Variants in MYO5A observed in about 807,000 individuals in gnomAD.
The protein encoded by MYO5A is unconventional myosin-Va.
In MYO5A, 98 loss-of-function variants were observed where a neutral mutation model predicts 249.7. That is an observed-to-expected ratio of 0.39 (90% confidence interval 0.33 to 0.46). The LOEUF is 0.46. Among genes scored for constraint, MYO5A ranks in the 20% least tolerant of loss-of-function variants. The probability of loss-of-function intolerance (pLI) is 0.98; values close to 1 mark genes in which losing one functional copy is unlikely to be tolerated. For missense variants in MYO5A, 1,696 were observed against 2,308.8 expected, an observed-to-expected ratio of 0.73 and a Z score of 5.44; for synonymous variants, 778 against 810.6, an observed-to-expected ratio of 0.96 and a Z score of 0.68.
At chr15:52,450,684 A>T (rs1032373213) in intron 1 of MYO5A, among the ~76,000 whole-genome samples, 2 of 150,474 alleles carry the variant, frequency 1.3e-5, no homozygotes, top group Non-Finnish European at 1.5e-5. Context: ...AAAAAAAAAA[A>T]TTTAGAAACA....
intron 1 of MYO5A, among the ~76,000 whole-genome samples, chr15:52,509,404 G>T (rs941128925): frequency 1.2e-4 from 18 of 152,222 alleles, no homozygotes; most frequent in African/African-American, 4.3e-4. Flanking sequence ...GCTAATCTCT[G>T]TTTAATAATG....
At chr15:52,458,148 A>G (rs1250876036) in intron 1 of MYO5A, among the ~76,000 whole-genome samples, 1 of 152,244 alleles carries the variant, frequency 6.6e-6, no homozygotes, top group Non-Finnish European at 1.5e-5. Flanking sequence ...GTTAATGGGT[A>G]CAAACATACT....
At chr15:52,481,972 G>T (rs1261376953) in intron 1 of MYO5A, among the ~76,000 whole-genome samples, 1 of 152,154 alleles carries the variant, frequency 6.6e-6, no homozygotes, top group African/African-American at 2.4e-5. Flanking sequence ...TACATCAGTA[G>T]AATTATAAGA....
At chr15:52,370,505 A>G (rs936853565) in intron 21 of MYO5A, 88 bp from the exon 22 acceptor site, 8 of 1,375,104 alleles carry the variant, frequency 5.8e-6, no homozygotes, top group Middle Eastern at 2.5e-4. Context: ...CATCATATTC[A>G]TGCTATATCA....
At chr15:52,501,927 C>G (rs1001396960) in intron 1 of MYO5A, among the ~76,000 whole-genome samples, 9 of 151,440 alleles carry the variant, frequency 5.9e-5, no homozygotes, top group Non-Finnish European at 5.9e-5. Context: ...TTACTTTTCT[C>G]TATTTAACAA....
intron 4 of MYO5A, among the ~76,000 whole-genome samples, chr15:52,423,486 A>G (rs2141275314): frequency 6.6e-6 from 1 of 151,328 alleles, no homozygotes; most frequent in South Asian, 2.1e-4. Context: ...CGGGAGGCGG[A>G]GGTTGCAGTG....
intron 24 of MYO5A, 140 bp downstream of exon 24, chr15:52,364,414 T>A: frequency 2.8e-6 from 2 of 713,238 alleles, no homozygotes; most frequent in Non-Finnish European, 4.6e-6. Flanking sequence ...GGAGATGGAA[T>A]GGGAGGTGAA....
chr15:52,354,952 CTTGT>C (rs1478383475), intron 25 of MYO5A, among the ~76,000 whole-genome samples: 1 of 151,974 alleles, frequency 6.6e-6, no homozygotes, highest in Non-Finnish European at 1.5e-5. Context: ...GAAAATATAT[CTTGT>C]TTTTGTTAAT....
chr15:52,470,606 C>T (rs2076442377), intron 1 of MYO5A, among the ~76,000 whole-genome samples: 1 of 151,934 alleles, frequency 6.6e-6, no homozygotes, highest in South Asian at 2.1e-4. Flanking sequence ...GCCAAGATCG[C>T]ACCATTGCAC....
At chr15:52,440,507 A>G (rs547446027) in intron 1 of MYO5A, among the ~76,000 whole-genome samples, 2 of 152,290 alleles carry the variant, frequency 1.3e-5, no homozygotes, top group African/African-American at 2.4e-5. Flanking sequence ...ACCTCAGGTG[A>G]TCTGCCCACC....
At chr15:52,359,911 C>CTT in intron 25 of MYO5A, 57 bp downstream of exon 25, 7 of 1,249,766 alleles carry the variant, frequency 5.6e-6, no homozygotes, top group Non-Finnish European at 8.1e-6. Flanking sequence ...GGAAATGTTC[C>CTT]TTGTTAACAA....
chr15:52,315,737 C>T (rs190662560), intron 40 of MYO5A, among the ~76,000 whole-genome samples: 105 of 148,422 alleles, frequency 7.1e-4, no homozygotes, highest in African/African-American at 2.3e-3. Context: ...CTGCAACCTC[C>T]GTCTCCCAGG....
intron 36 of MYO5A, among the ~76,000 whole-genome samples, chr15:52,324,787 C>T (rs775756810): frequency 3.3e-5 from 5 of 151,662 alleles, no homozygotes; most frequent in African/African-American, 4.8e-5. Context: ...AAGTACAAAA[C>T]GCCCTTAAAT....
intron 2 of MYO5A, among the ~76,000 whole-genome samples, chr15:52,431,019 G>A (rs970582554): frequency 6.7e-6 from 1 of 149,560 alleles, no homozygotes; most frequent in African/African-American, 2.5e-5. Context: ...ATCACTTGAG[G>A]TTGGGAGTTT....
rs377198061 is a variant in MYO5A, at chr15:52,384,185, C to T, written c.1890G>A (p.Glu630=). ...TKGRPGQMAK[E]HKKTVGHQFR... is the part of the protein sequence containing the mutation. ...CCTGATGCCCCACTGTTTTCTTGTG[C>T]TCTTTGGCCATTTGGCCTGGTCTGC... The change falls in exon 15 of 42, where the codon GAG becomes GAA. Residue 630 remains glutamate, a synonymous_variant. Transcript: ENST00000399233. 3.1e-6 allele frequency: 5 copies of T among 1,614,026 alleles called. No homozygotes were observed. The highest frequency in any genetic ancestry group is 2.5e-6 in the Non-Finnish European group (3 of 1,180,010).
chr15:52,366,333 A>G (rs1243089046), intron 23 of MYO5A, among the ~76,000 whole-genome samples: 1 of 152,062 alleles, frequency 6.6e-6, no homozygotes, highest in African/African-American at 2.4e-5. Flanking sequence ...CCTTTTTTGA[A>G]TACCAGTGTA....
At chr15:52,506,367 T>A (rs528778415) in intron 1 of MYO5A, among the ~76,000 whole-genome samples, 1 of 150,622 alleles carries the variant, frequency 6.6e-6, no homozygotes, top group East Asian at 2.0e-4. Flanking sequence ...ATAATAATAA[T>A]AAAATGAAAA....
chr15:52,372,600 G>C (rs2041184663), intron 20 of MYO5A, among the ~76,000 whole-genome samples: 1 of 152,150 alleles, frequency 6.6e-6, no homozygotes, highest in African/African-American at 2.4e-5. Context: ...ATAAAAATGT[G>C]TCATATGCAC....
chr15:52,327,306 G>A (rs2038657036), intron 36 of MYO5A, among the ~76,000 whole-genome samples: 2 of 152,146 alleles, frequency 1.3e-5, no homozygotes, highest in East Asian at 1.9e-4. Flanking sequence ...CAATTAAAAT[G>A]CAGTTATGTC....
Sources: gnomAD v4.1 joint callset for allele counts (sites outside exome capture counted in the v4.1 genomes callset) on GRCh38, gnomAD v4.1.1 for gene constraint, MANE v1.5 for transcripts, NCBI Gene and HGNC (gene_info 2026-07-23, HGNC 2026-07-21) for gene names.